The following ELMO3 variants were observed in gnomAD, a reference collection of about 807,000 sequenced individuals.
The protein encoded by ELMO3 is engulfment and cell motility protein 3.
In ELMO3, 81 loss-of-function variants were observed where a neutral mutation model predicts 89.0. That is an observed-to-expected ratio of 0.91 (90% CI 0.76 to 1.09). The LOEUF (loss-of-function observed/expected upper bound fraction) is 1.09, where lower values mean the gene tolerates loss of function less well. Among genes scored for constraint, ELMO3 ranks in the 50% least tolerant of loss-of-function variants. The pLI, the probability that ELMO3 is intolerant of heterozygous loss-of-function variation, is 0.00. For missense variants in ELMO3, 959 were observed against 972.8 expected (o/e 0.99, Z 0.19); for synonymous variants, 406 against 400.6 (o/e 1.01, Z -0.16).
rs2033087311 is a variant in ELMO3 at position 67,200,883 on chromosome 16, G to A, written c.666-7G>A. The A allele has an allele frequency of 6.2e-7, 1 of 1,613,642 alleles. No homozygotes were observed. ...GAATGTTCCACTGAGCCCTCTTCTT[G>A]CCATAGGATGAACCAGCAGCTGCAA... On this transcript the variant is annotated splice_polypyrimidine_tract_variant and splice_region_variant and intron_variant, in intron 7 of 19. Coordinates refer to ENST00000393997, the MANE Select transcript of ELMO3 (RefSeq NM_024712.5).
At position 67,203,494 on chromosome 16, in the gene ELMO3, C is replaced by T. The variant is rs755959481; in HGVS notation, c.1864-3C>T. The T allele has an allele frequency of 6.2e-7, 1 of 1,613,870 alleles. No homozygotes were observed. The highest frequency in any genetic ancestry group is 2.2e-5 in the East Asian group (1 of 44,872). On this transcript the variant is annotated splice_polypyrimidine_tract_variant and splice_region_variant and intron_variant, in intron 18 of 19. Coordinates refer to ENST00000393997, the MANE Select transcript of ELMO3 (RefSeq NM_024712.5). The surrounding 1 kb of genome is among the most constrained non-coding windows in gnomAD (Gnocchi z 4.6). ...CAGTGTCCCCGCTCCCTTGCTTCCC[C>T]AGGACCTCTATGAGTTGGCCTTCTC...
chr16:67,202,234 G>A lies in ELMO3; in HGVS notation c.1211G>A (p.Ser404Asn). The change falls in exon 13 of 20, where the codon AGC becomes AAC. Residue 404 changes from serine (S) to asparagine (N), a missense_variant. Transcript: ENST00000393997. ...DKHECPFARG[S>N]IQLTVLLCEL... ...CACGAGTGCCCCTTTGCCCGGGGCA[G>A]CATCCAGCTGACGGTGCTGCTGTGT... 6.2e-7 allele frequency: 1 copy of A among 1,605,676 alleles called. No homozygotes were observed.
At position 67,203,163 on chromosome 16, in the gene ELMO3, C is replaced by T. The variant is rs1370661101; in HGVS notation, c.1720C>T (p.Gln574Ter). 4 of 1,612,364 alleles carry T rather than the reference C, an allele frequency of 2.5e-6. No homozygotes were observed. Among genetic ancestry groups the T allele is most frequent in the Non-Finnish European group, 3.4e-6 (4 of 1,179,840 alleles). ...CCLSPNHKLLQYGDMEEGASP... is the reference protein window; with the variant it reads ...CCLSPNHKLL ...CCTGTCCCCCAACCACAAGCTGCTGCAGTACGGAGACATGGAGGAGGGCGC... is the reference window on the plus strand; with the variant it reads ...CCTGTCCCCCAACCACAAGCTGCTGTAGTACGGAGACATGGAGGAGGGCGC... The change falls in exon 17 of 20, where the codon CAG becomes TAG. Residue 574 changes from glutamine (Q) to a stop codon, truncating the protein, a stop_gained. Coordinates refer to ENST00000393997, the MANE Select transcript of ELMO3 (RefSeq NM_024712.5). LOFTEE classifies it high-confidence loss of function. The surrounding 1 kb of genome is among the most constrained non-coding windows in gnomAD (Gnocchi z 4.6).
Position 67,203,243 on chromosome 16 carries a change from G to T in ELMO3, c.1780+20G>T. 1 of 1,597,692 alleles carries T rather than the reference G, an allele frequency of 6.3e-7. No homozygotes were observed. Among genetic ancestry groups the T allele is most frequent in the Non-Finnish European group, 8.5e-7 (1 of 1,175,910 alleles). ...AGCAACGTAAGGCGGGCAGGGGCGG[G>T]GGCCAGATACCTGCTCTCCCCAGAC... On this transcript the variant is annotated intron_variant, in intron 17 of 19. Coordinates refer to ENST00000393997, the MANE Select transcript of ELMO3 (RefSeq NM_024712.5). The surrounding 1 kb of genome is among the most constrained non-coding windows in gnomAD (Gnocchi z 4.6).
In ELMO3 at chr16:67,203,019, A is replaced by G; in HGVS notation, c.1675+15A>G. ...GCGGCGCCAGGGTCTCTGAATGGGC[A>G]TGGGCAGGGGGCAGAGGGCAGGCAG... On this transcript the variant is annotated intron_variant, in intron 16 of 19. Coordinates refer to ENST00000393997, the MANE Select transcript of ELMO3 (RefSeq NM_024712.5). The surrounding 1 kb of genome is among the most constrained non-coding windows in gnomAD (Gnocchi z 4.6). The G allele has an allele frequency of 1.2e-6, 2 of 1,604,490 alleles. No individual in the cohort carries two copies. Among genetic ancestry groups the G allele is most frequent in the South Asian group, 1.1e-5 (1 of 90,940 alleles).
Position 67,203,806 on chromosome 16 carries a change from C to T in ELMO3, c.2092C>T (p.Arg698Trp), listed in dbSNP as rs750093350. ...GCTGGAGAACGTGCCCATCCCCGAG[C>T]GGCCACCCCCTGTGCCCCCACCCCC... is the stretch of plus-strand genomic sequence containing the variant. ...LELENVPIPE[R>W]PPPVPPPPTN... Residue 698 changes from arginine (R) to tryptophan (W), a missense_variant, in exon 20 of 20, where the codon CGG becomes TGG. Coordinates refer to ENST00000393997, the MANE Select transcript of ELMO3 (RefSeq NM_024712.5). This position sits in a 1 kb window ranked among gnomAD's most constrained non-coding sequence, Gnocchi z 4.6. 13 of 1,610,620 alleles carry T rather than the reference C, an allele frequency of 8.1e-6. No homozygotes were observed. Among genetic ancestry groups the T allele is most frequent in the African/African-American group, 4.0e-5 (3 of 74,814 alleles).
At position 67,200,512 on chromosome 16, in the gene ELMO3, G is replaced by T; in HGVS notation, c.475G>T (p.Val159Leu). 6.2e-7 allele frequency: 1 copy of T among 1,613,792 alleles called. No individual in the cohort carries two copies. The highest frequency in any genetic ancestry group is 1.1e-5 in the South Asian group (1 of 91,072). The change falls in exon 6 of 20, where the codon GTG becomes TTG. Residue 159 changes from valine (V) to leucine (L), a missense_variant. Transcript: ENST00000393997. ...AFSELMEHGV[V>L]SWETLSIPFV... ...CTCAGAGCTCATGGAGCACGGCGTG[G>T]TGTCCTGGGAGACTCTGAGCATCCC...
Position 67,199,517 on chromosome 16 carries a change from C to T in ELMO3, c.79-36C>T, listed in dbSNP as rs1033917392. 5.0e-6 allele frequency: 8 copies of T among 1,588,184 alleles called. No homozygotes were observed. In the African/African-American group the frequency reaches 1.1e-4, roughly 21 times the overall value. On this transcript the variant is annotated intron_variant, in intron 1 of 19. Transcript: ENST00000393997. ...CCCCCAGGCTCCTCCCCATCCCTCC[C>T]TGCCCAGGCCGCGAGAATGACCACT...
chr16:67,203,532 C>A lies in ELMO3; in HGVS notation c.1899C>A (p.Asp633Glu), dbSNP rs757946655. ...LYELAFSISY[D>E]RGEEEAYLNF... ...AGTTGGCCTTCTCAATCAGCTATGA[C>A]CGTGGGGAGGAGGAAGCGTACCTCA... Residue 633 changes from aspartate (D) to glutamate (E), a missense_variant, in exon 19 of 20, where the codon GAC becomes GAA. By Grantham distance (45) the Asp-to-Glu change is conservative (BLOSUM62 2). Coordinates refer to ENST00000393997, the MANE Select transcript of ELMO3 (RefSeq NM_024712.5). This position sits in a 1 kb window ranked among gnomAD's most constrained non-coding sequence, Gnocchi z 4.6. 6.2e-7 allele frequency: 1 copy of A among 1,613,622 alleles called. No individual in the cohort carries two copies. The highest frequency in any genetic ancestry group is 1.1e-5 in the South Asian group (1 of 91,074).
Position 67,203,563 on chromosome 16 carries a change from A to C in ELMO3, c.1930A>C (p.Ile644Leu). The change falls in exon 19 of 20, where the codon ATT becomes CTT. Residue 644 changes from isoleucine to leucine, a missense_variant. Transcript: ENST00000393997. The surrounding 1 kb of genome is among the most constrained non-coding windows in gnomAD (Gnocchi z 4.6). ...RGEEEAYLNF[I>L]APSKREFYLW... ...GGAGGAGGAAGCGTACCTCAACTTCATTGCCCCCTCCAAGCGGGAGGTGAG... is the reference window on the plus strand; with the variant it reads ...GGAGGAGGAAGCGTACCTCAACTTCCTTGCCCCCTCCAAGCGGGAGGTGAG... 1 of 1,613,668 alleles carries C rather than the reference A, an allele frequency of 6.2e-7. No homozygotes were observed. The highest frequency in any genetic ancestry group is 2.2e-5 in the East Asian group (1 of 44,824).
Position 67,201,778 on chromosome 16 carries a change from G to A in ELMO3, c.955G>A (p.Ala319Thr), listed in dbSNP as rs2142220703. ...GCAGCTGCAGGTCCTACGCCAGGCT[G>A]CCTTCGAGGTGGAGGGGGAGTCCTC... ...REQLQVLRQA[A>T]FEVEGESSGA... Residue 319 changes from alanine to threonine, a missense_variant, in exon 11 of 20, where the codon GCC (alanine) becomes ACC (threonine). Physicochemically the swap from Ala to Thr is moderately conservative, Grantham distance 58. Coordinates refer to ENST00000393997, the MANE Select transcript of ELMO3 (RefSeq NM_024712.5). 2 of 1,611,530 alleles carry A rather than the reference G, an allele frequency of 1.2e-6. No individual in the cohort carries two copies. Among genetic ancestry groups the A allele is most frequent in the African/African-American group, 1.3e-5 (1 of 75,036 alleles).
rs769571656 is a variant in ELMO3 at position 67,202,212 on chromosome 16, G to A, written c.1189G>A (p.Glu397Lys). ...LENSSREDKH[E>K]CPFARGSIQL... ...GAACAGCAGCCGCGAGGACAAGCAC[G>A]AGTGCCCCTTTGCCCGGGGCAGCAT... The change falls in exon 13 of 20, where the codon GAG becomes AAG. Residue 397 changes from glutamate (E) to lysine (K), a missense_variant. Physicochemically the swap from Glu to Lys is moderately conservative, Grantham distance 56 (BLOSUM62 1). Coordinates refer to ENST00000393997, the MANE Select transcript of ELMO3 (RefSeq NM_024712.5). 1.4e-5 allele frequency: 22 copies of A among 1,605,268 alleles called. No individual in the cohort carries two copies. The highest frequency in any genetic ancestry group is 2.7e-5 in the African/African-American group (2 of 74,816).
chr16:67,200,274 C>A lies in ELMO3; in HGVS notation c.326C>A (p.Pro109Gln), dbSNP rs1281633264. The change falls in exon 5 of 20, where the codon CCG becomes CAG. Residue 109 changes from proline (P) to glutamine (Q), a missense_variant. Pro to Gln is a moderately conservative substitution (Grantham distance 76, BLOSUM62 -1). Coordinates refer to ENST00000393997, the MANE Select transcript of ELMO3 (RefSeq NM_024712.5). ...CGGGAAGCCCTGAGGCGCCTTGTTCCGCTGGCCTCGGACATGATCTTTGCC... is the reference window on the plus strand; with the variant it reads ...CGGGAAGCCCTGAGGCGCCTTGTTCAGCTGGCCTCGGACATGATCTTTGCC... ...GRREALRRLV[P>Q]LASDMIFARE... 1.9e-6 allele frequency: 3 copies of A among 1,613,680 alleles called. No individual in the cohort carries two copies.
In ELMO3 at chr16:67,203,813, C is replaced by T. The variant is rs1214070095; in HGVS notation, c.2099C>T (p.Pro700Leu). The T allele has an allele frequency of 6.2e-7, 1 of 1,609,360 alleles. No homozygotes were observed. Reference protein sequence around the residue: ...LENVPIPERPPPVPPPPTNFN... With the variant: ...LENVPIPERPLPVPPPPTNFN... ...AACGTGCCCATCCCCGAGCGGCCAC[C>T]CCCTGTGCCCCCACCCCCCACCAAC... The change falls in exon 20 of 20, where the codon CCC becomes CTC. Residue 700 changes from proline (P) to leucine (L), a missense_variant. Transcript: ENST00000393997. This position sits in a 1 kb window ranked among gnomAD's most constrained non-coding sequence, Gnocchi z 4.6.
In ELMO3 at chr16:67,199,567, C is replaced by T. The variant is rs559948083; in HGVS notation, c.93C>T (p.Ala31=). ...LIQLDQAKPL[A]AVLKEVCDAW... ...TCCACTTGCAGGCGAAGCCCCTGGC[C>T]GCTGTGCTGAAGGAGGTGTGCGACG... The change falls in exon 2 of 20, where the codon GCC becomes GCT. Residue 31 remains alanine (A), a synonymous_variant. Transcript: ENST00000393997. 2 of 1,608,740 alleles carry T rather than the reference C, an allele frequency of 1.2e-6. No individual in the cohort carries two copies. The highest frequency in any genetic ancestry group is 1.3e-5 in the African/African-American group (1 of 74,956).
chr16:67,199,735 C>CCT lies in ELMO3; in HGVS notation c.172_173insTC (p.Arg58LeufsTer48). ...ACGCCCTGCAGTTTGCGGATGGGCA[C>CCT]CGGAGATACATCACCGAGAATGTGA... On this transcript the variant is annotated frameshift_variant, in exon 3 of 20. Coordinates refer to ENST00000393997, the MANE Select transcript of ELMO3 (RefSeq NM_024712.5). LOFTEE classifies it high-confidence loss of function. 1 of 1,611,366 alleles carries CCT rather than the reference C, an allele frequency of 6.2e-7. No individual in the cohort carries two copies. The highest frequency in any genetic ancestry group is 1.1e-5 in the South Asian group (1 of 90,938).
chr16:67,199,476 G>GGGCCCCCCCCCCCCCCCCCCCCCCCC, intron 1 of ELMO3, 72 bp downstream of exon 1: 2 of 1,503,568 alleles, frequency 1.3e-6, no homozygotes, highest in Non-Finnish European at 1.8e-6. Flanking sequence ...CCTCGGGGCA[G>GGGCCCCCCCCCCCCCCCCCCCCCCCC]CCCGCCCCAC....
In ELMO3 at chr16:67,202,879, A is replaced by T; in HGVS notation, c.1563-13A>T. ...CCCCAGGTCAGATGTGCTCAGTGAC[A>T]CCCCTCTATCAGGGAGCTGCGGGAG... On this transcript the variant is annotated splice_polypyrimidine_tract_variant and intron_variant, in intron 15 of 19. Coordinates refer to ENST00000393997, the MANE Select transcript of ELMO3 (RefSeq NM_024712.5). The T allele has an allele frequency of 6.2e-7, 1 of 1,612,904 alleles. No homozygotes were observed. The highest frequency in any genetic ancestry group is 8.5e-7 in the Non-Finnish European group (1 of 1,179,872).
Position 67,201,613 on chromosome 16 carries a change from A to G in ELMO3, c.889A>G (p.Met297Val), listed in dbSNP as rs557316702. ...ALMLGLLEPR[M>V]RTPLDPYSQE... is the part of the protein sequence containing the mutation. ...CATGCTGGGGCTGCTGGAGCCGCGC[A>G]TGCGGACGCCCCTGGACCCCTACAG... is the stretch of plus-strand genomic sequence containing the variant. The change falls in exon 10 of 20, where the codon ATG becomes GTG. Residue 297 changes from methionine (M) to valine (V), a missense_variant. Coordinates refer to ENST00000393997, the MANE Select transcript of ELMO3 (RefSeq NM_024712.5). 4 of 1,613,482 alleles carry G rather than the reference A, an allele frequency of 2.5e-6. No homozygotes were observed. Among genetic ancestry groups the G allele is most frequent in the East Asian group, 4.5e-5 (2 of 44,884 alleles).
Sources: gnomAD v4.1 joint callset for allele counts on GRCh38, gnomAD v4.1.1 for gene constraint, Gnocchi (gnomAD v3.1) non-coding constraint, MANE v1.5 for transcripts, NCBI Gene and HGNC (gene_info 2026-07-23, HGNC 2026-07-21) for gene names.